The following STK32C variants were observed in gnomAD, a reference collection of about 807,000 sequenced individuals.
The protein encoded by STK32C is serine/threonine-protein kinase 32C.
A neutral mutation model predicts 56.5 loss-of-function variants in STK32C; 31 were observed. That is an observed-to-expected ratio of 0.55 (90% CI 0.41 to 0.74). The LOEUF (loss-of-function observed/expected upper bound fraction) is 0.74. Ranked by LOEUF, STK32C falls within the 30% of genes least tolerant of loss-of-function variation. The pLI is 0.00. For synonymous variants in STK32C, 309 were observed against 289.4 expected (o/e 1.07, Z -0.69); for missense variants, 544 against 676.9 (o/e 0.80, Z 2.18).
At chr10:132,248,988 A>G (rs970616562) in intron 1 of STK32C, 2 of 459,544 alleles carry the variant, frequency 4.4e-6, no homozygotes, top group Non-Finnish European at 8.8e-6. Flanking sequence ...AGTCAGAAGC[A>G]TAAGGGAGTC....
intron 4 of STK32C, 107 bp from the exon 5 acceptor site, chr10:132,225,891 C>T (rs970488155): frequency 7.7e-6 from 11 of 1,431,098 alleles, no homozygotes; most frequent in East Asian, 4.5e-5. Context: ...CCAACCCACT[C>T]GAGGCAGAGG....
intron 1 of STK32C, among the ~76,000 whole-genome samples, chr10:132,318,232 C>T (rs2066342907): frequency 6.6e-6 from 1 of 151,712 alleles, no homozygotes; most frequent in African/African-American, 2.4e-5. Context: ...CGCGCCACTG[C>T]ACTCCAGCCT....
chr10:132,265,378 G>A (rs796456990), intron 1 of STK32C, among the ~76,000 whole-genome samples: 2 of 152,330 alleles, frequency 1.3e-5, no homozygotes, highest in African/African-American at 4.8e-5. Flanking sequence ...CCATCACAGC[G>A]AGGGTGTCCA....
chr10:132,257,743 C>T (rs2064174703), intron 1 of STK32C, among the ~76,000 whole-genome samples: 1 of 151,866 alleles, frequency 6.6e-6, no homozygotes, highest in Non-Finnish European at 1.5e-5. Flanking sequence ...CCCCACCCTC[C>T]ACCAGGCCCC....
At chr10:132,253,498 C>G (rs1417859220) in intron 1 of STK32C, among the ~76,000 whole-genome samples, 5 of 81,024 alleles carry the variant, frequency 6.2e-5, no homozygotes, top group Non-Finnish European at 9.9e-5. Context: ...TGGAGGGAGT[C>G]GAGGGAGCTG....
chr10:132,246,866 G>A (rs1379911139), intron 1 of STK32C, among the ~76,000 whole-genome samples: 1 of 152,082 alleles, frequency 6.6e-6, no homozygotes, highest in Non-Finnish European at 1.5e-5. Context: ...CCAGGCCTGT[G>A]TCCCCAATTC....
At chr10:132,253,354 C>G (rs1425630574) in intron 1 of STK32C, among the ~76,000 whole-genome samples, 1 of 151,440 alleles carries the variant, frequency 6.6e-6, no homozygotes, top group Non-Finnish European at 1.5e-5. Context: ...GCCGAGGGAG[C>G]TGGAGAGAGT....
chr10:132,275,073 A>G (rs1379108661), intron 1 of STK32C, among the ~76,000 whole-genome samples: 1 of 152,070 alleles, frequency 6.6e-6, no homozygotes, highest in Non-Finnish European at 1.5e-5. Context: ...GGGCCGAGGA[A>G]CCAAGTTCCT....
chr10:132,265,036 T>C (rs562922273), intron 1 of STK32C, among the ~76,000 whole-genome samples: 14 of 150,414 alleles, frequency 9.3e-5, no homozygotes, highest in East Asian at 1.9e-4. Flanking sequence ...ATGAGAACAG[T>C]AGAAGGTGCG....
In STK32C at chr10:132,228,267, GC is replaced by G. The variant is rs1242759062; in HGVS notation, c.319-140del. On this transcript the variant is annotated intron_variant, in intron 2 of 11. Coordinates refer to ENST00000298630, the MANE Select transcript of STK32C (RefSeq NM_173575.4). ...CCTGGGGACGCGCCGCAGCCCCTCT[GC>G]CTCCTAGACGCGGCAGGTGCATTCC... 2.1e-5 allele frequency: 22 copies of G among 1,036,186 alleles called. No individual in the cohort carries two copies. The Middle Eastern group carries it at 1.1e-3, about 52-fold the overall frequency. The allele number at this position is 1,036,186 out of a possible 1,614,324, so 64.2% of individuals were successfully genotyped here.
At chr10:132,235,875 G>A (rs534107972) in intron 2 of STK32C, among the ~76,000 whole-genome samples, 4 of 151,052 alleles carry the variant, frequency 2.6e-5, no homozygotes, top group Non-Finnish European at 4.4e-5. Context: ...ATACCGTGGC[G>A]GTGGCTACGA....
In STK32C at chr10:132,251,737, A is replaced by G. The variant is rs558411404; in HGVS notation, c.263-5782T>C. Among the ~76,000 whole-genome samples the G allele has an allele frequency of 9.5e-3, 1,117 of 117,608 alleles. 4 individuals are homozygous for G. The highest frequency in any genetic ancestry group is 0.023 in the African/African-American group (631 of 27,540). The allele number at this position is 117,608 out of a possible 152,430, so 77.2% of individuals were successfully genotyped here. ...CACTACCCACCACAGGCAGGTCAAC[A>G]CCCTACACCTCCTGGGGCCTCCGAC... On this transcript the variant is annotated intron_variant, in intron 1 of 11. Coordinates refer to ENST00000298630, the MANE Select transcript of STK32C (RefSeq NM_173575.4).
At chr10:132,221,508 G>GCA in intron 10 of STK32C, among the ~76,000 whole-genome samples, 1 of 122,870 alleles carries the variant, frequency 8.1e-6, no homozygotes, top group South Asian at 3.0e-4. Context: ...GGCCATCCCT[G>GCA]CACACACAAC....
intron 1 of STK32C, among the ~76,000 whole-genome samples, chr10:132,291,565 T>G (rs10781567): frequency 0.38 from 57,130 of 151,998 alleles, 11,183 homozygotes; most frequent in African/African-American, 0.47. Flanking sequence ...CCCAATGGAG[T>G]TGGGCCTGGA....
intron 3 of STK32C, among the ~76,000 whole-genome samples, chr10:132,227,180 G>C (rs2062919801): frequency 6.6e-6 from 1 of 152,246 alleles, no homozygotes; most frequent in African/African-American, 2.4e-5. Flanking sequence ...ACACCACCCT[G>C]TGCTGGAGGT....
At chr10:132,249,766 C>T (rs2063831721) in intron 1 of STK32C, among the ~76,000 whole-genome samples, 1 of 152,182 alleles carries the variant, frequency 6.6e-6, no homozygotes, top group Non-Finnish European at 1.5e-5. Flanking sequence ...AACTGGAGAC[C>T]CAGTGGCTGT....
intron 1 of STK32C, among the ~76,000 whole-genome samples, chr10:132,282,473 A>ACCTGCACCCACCTGTG (rs1564774970): frequency 9.6e-5 from 12 of 125,380 alleles, no homozygotes; most frequent in South Asian, 8.6e-4. Flanking sequence ...GCCCACCTGT[A>ACCTGCACCCACCTGTG]CCTGCGCCCA....
intron 8 of STK32C, 48 bp downstream of exon 8, chr10:132,224,359 G>C: frequency 7.2e-7 from 1 of 1,380,476 alleles, no homozygotes; most frequent in Non-Finnish European, 1.0e-6. Context: ...AAGTGAGGGA[G>C]GGAGGTGGGT....
At chr10:132,321,029 G>C (rs2066396801), downstream of STK32C, among the ~76,000 whole-genome samples, 2 of 152,076 alleles carry the variant, frequency 1.3e-5, no homozygotes, top group South Asian at 4.1e-4. Context: ...CGTGTGGTTT[G>C]TTTGGCCAAT....
Sources: allele counts gnomAD v4.1 joint callset (sites outside exome capture counted in the v4.1 genomes callset), GRCh38; gene constraint gnomAD v4.1.1; transcripts MANE v1.5; gene names NCBI Gene and HGNC (gene_info 2026-07-23, HGNC 2026-07-21).